The following CTNNA1 variants were observed in gnomAD, a reference collection of about 807,000 sequenced individuals.
CTNNA1 encodes the protein catenin alpha-1.
CTNNA1 carries 37 observed loss-of-function variants against 98.4 expected under a neutral mutation model. The observed-to-expected ratio is 0.38, with a 90% CI of 0.29 to 0.49. The LOEUF (loss-of-function observed/expected upper bound fraction) is 0.49, where lower values mean the gene tolerates loss of function less well. CTNNA1 is among the 20% of genes least tolerant of loss of function. The pLI is 0.95. For synonymous variants in CTNNA1, 404 were observed against 413.2 expected (o/e 0.98, Z 0.27); for missense variants, 761 against 1,147.2 (o/e 0.66, Z 4.86).
chr5:138,875,460 CG>C, intron 7 of CTNNA1: 7 of 985,488 alleles, frequency 7.1e-6, no homozygotes, highest in Non-Finnish European at 8.4e-6. Context: ...GTAACAGCAT[CG>C]GGGTCGTTGC....
chr5:138,916,589 C>T (rs548129744), intron 10 of CTNNA1, among the ~76,000 whole-genome samples: 60 of 151,486 alleles, frequency 4.0e-4, no homozygotes, highest in African/African-American at 1.4e-3. Context: ...GTGGTGTGAT[C>T]ACAGCTCACT....
At chr5:138,792,076 G>T (rs905710476) in intron 3 of CTNNA1, among the ~76,000 whole-genome samples, 1 of 152,036 alleles carries the variant, frequency 6.6e-6, no homozygotes, top group African/African-American at 2.4e-5. Flanking sequence ...TTAATGGAGA[G>T]ACATTCTTTT....
At chr5:138,909,765 C>A (rs553639985) in intron 10 of CTNNA1, among the ~76,000 whole-genome samples, 1 of 152,254 alleles carries the variant, frequency 6.6e-6, no homozygotes, top group South Asian at 2.1e-4. Context: ...CTTATGGGAA[C>A]CCTGATCATA....
intron 7 of CTNNA1, among the ~76,000 whole-genome samples, chr5:138,852,893 G>A (rs531911465): frequency 1.5e-5 from 1 of 66,344 alleles, no homozygotes. Flanking sequence ...TTTTGCATAG[G>A]TGTTTGCCTG....
chr5:138,782,151 A>T lies in CTNNA1; in HGVS notation c.105+122A>T. On this transcript the variant is annotated intron_variant, in intron 2 of 17. Coordinates refer to ENST00000302763, the MANE Select transcript of CTNNA1 (RefSeq NM_001903.5). Reference sequence around the variant, plus strand: ...ATTCCAGTACTTGAGTTTAGGTGACAGTTCTTAGATGATTTGAATATTGAT... The same window carrying T: ...ATTCCAGTACTTGAGTTTAGGTGACTGTTCTTAGATGATTTGAATATTGAT... 3.3e-6 allele frequency: 3 copies of T among 922,386 alleles called. No individual in the cohort carries two copies. In the South Asian group the frequency reaches 4.6e-5, roughly 14 times the overall value. The allele number at this position is 922,386 out of a possible 1,614,324, so 57.1% of individuals were successfully genotyped here. A position where few individuals can be genotyped will look rare whatever the true frequency, so the allele number is the denominator to read the frequency against.
chr5:138,926,206 A>C (rs1471621463), intron 13 of CTNNA1, among the ~76,000 whole-genome samples: 3 of 152,040 alleles, frequency 2.0e-5, no homozygotes, highest in African/African-American at 7.2e-5. Flanking sequence ...CTTTGAGTCT[A>C]CTGTGGGGTC....
chr5:138,773,525 CT>C (rs774030406), intron 1 of CTNNA1, among the ~76,000 whole-genome samples: 3 of 152,230 alleles, frequency 2.0e-5, no homozygotes, highest in East Asian at 3.9e-4. Flanking sequence ...CTCCTTGGCA[CT>C]TTTGATTAAA....
intron 9 of CTNNA1, among the ~76,000 whole-genome samples, chr5:138,897,549 G>A (rs1757148956): frequency 1.3e-5 from 2 of 152,054 alleles, no homozygotes; most frequent in South Asian, 4.1e-4. Context: ...CAGTACTGTA[G>A]GCTGATATTC....
chr5:138,812,927 ATCT>A (rs768349890), intron 5 of CTNNA1, among the ~76,000 whole-genome samples: 18 of 152,196 alleles, frequency 1.2e-4, no homozygotes, highest in Admixed American at 6.5e-5. Flanking sequence ...ATTGCTATCC[ATCT>A]TCTTATATCT....
intron 1 of CTNNA1, among the ~76,000 whole-genome samples, chr5:138,768,174 C>T (rs1003383920): frequency 4.6e-5 from 7 of 152,200 alleles, no homozygotes; most frequent in East Asian, 3.8e-4. Context: ...CCAGCTTTCC[C>T]ACTTGGGACA....
intron 11 of CTNNA1, among the ~76,000 whole-genome samples, chr5:138,922,421 C>T (rs1763101340): frequency 1.3e-5 from 2 of 152,244 alleles, no homozygotes; most frequent in Middle Eastern, 3.4e-3. Flanking sequence ...GAAAGGTTTT[C>T]AAGTGAAAAA....
chr5:138,790,600 CA>C (rs772687422), intron 3 of CTNNA1, among the ~76,000 whole-genome samples: 8 of 152,142 alleles, frequency 5.3e-5, no homozygotes, highest in East Asian at 1.9e-4. Context: ...ACCAAGTTTT[CA>C]AAAATTGAGA....
At chr5:138,822,239 C>T (rs554825090) in intron 5 of CTNNA1, among the ~76,000 whole-genome samples, 2 of 152,172 alleles carry the variant, frequency 1.3e-5, no homozygotes, top group African/African-American at 2.4e-5. Context: ...GAAATGATCA[C>T]CAATTCTCTA....
At chr5:138,852,081 AAAATAAATAAAT>A (rs1271197373) in intron 7 of CTNNA1, among the ~76,000 whole-genome samples, 1 of 152,172 alleles carries the variant, frequency 6.6e-6, no homozygotes, top group Non-Finnish European at 1.5e-5. Context: ...AAAAAAATAA[AAAATAAATAAAT>A]AAATAAATAT....
chr5:138,875,720 T>C, intron 7 of CTNNA1: 1 of 985,450 alleles, frequency 1.0e-6, no homozygotes, highest in South Asian at 4.7e-5. Context: ...AGTGCTGATT[T>C]AACACCAGCC....
At chr5:138,908,850 G>A (rs1759911385) in intron 10 of CTNNA1, among the ~76,000 whole-genome samples, 1 of 151,986 alleles carries the variant, frequency 6.6e-6, no homozygotes, top group Non-Finnish European at 1.5e-5. Flanking sequence ...TCTCTGGAAA[G>A]GGACCTGCCT....
intron 10 of CTNNA1, among the ~76,000 whole-genome samples, chr5:138,906,098 C>T (rs1244443411): frequency 6.7e-6 from 1 of 149,174 alleles, no homozygotes; most frequent in African/African-American, 2.5e-5. Context: ...GGTTATTAAT[C>T]TGTCATTCTC....
chr5:138,886,067 C>A, intron 7 of CTNNA1, 145 bp from the exon 8 acceptor site: 1 of 737,510 alleles, frequency 1.4e-6, no homozygotes, highest in South Asian at 2.1e-5. Flanking sequence ...CCACATAACA[C>A]CCCTCTGCTC....
chr5:138,917,696 A>C (rs1433425314), intron 10 of CTNNA1, 46 bp from the exon 11 acceptor site: 1 of 1,598,968 alleles, frequency 6.3e-7, no homozygotes, highest in African/African-American at 1.3e-5. Flanking sequence ...AGACAAAGCC[A>C]TGACTCTGAA....
Sources: allele counts gnomAD v4.1 joint callset (sites outside exome capture counted in the v4.1 genomes callset), GRCh38; gene constraint gnomAD v4.1.1; transcripts MANE v1.5; gene names NCBI Gene and HGNC (gene_info 2026-07-23, HGNC 2026-07-21).